The following STAU2 variants were observed in gnomAD, a reference collection of about 807,000 sequenced individuals.
The protein encoded by STAU2 is double-stranded RNA-binding protein Staufen homolog 2.
In STAU2, 20 loss-of-function variants were observed where a neutral mutation model predicts 65.9. That is an observed-to-expected ratio of 0.30 (90% confidence interval 0.21 to 0.44). The LOEUF (loss-of-function observed/expected upper bound fraction) is 0.44, where lower values mean the gene tolerates loss of function less well. Ranked by LOEUF, STAU2 falls within the 20% of genes least tolerant of loss-of-function variation. The pLI is 1.00. For synonymous variants in STAU2, 232 were observed against 233.9 expected, an observed-to-expected ratio of 0.99 and a Z score of 0.07; for missense variants, 558 against 683.9, an observed-to-expected ratio of 0.82 and a Z score of 2.05.
chr8:73,629,562 T>G (rs970870991), intron 6 of STAU2, among the ~76,000 whole-genome samples: 1 of 152,210 alleles, frequency 6.6e-6, no homozygotes, highest in African/African-American at 2.4e-5. Context: ...AAATATAATT[T>G]ATTAGCTGGA....
intron 12 of STAU2, among the ~76,000 whole-genome samples, chr8:73,557,294 T>C (rs1163811950): frequency 6.6e-6 from 1 of 152,180 alleles, no homozygotes; most frequent in Non-Finnish European, 1.5e-5. Context: ...AGAGTTCAAC[T>C]AACAGACTAG....
At chr8:73,569,030 G>C (rs1419365684) in intron 12 of STAU2, among the ~76,000 whole-genome samples, 3 of 152,100 alleles carry the variant, frequency 2.0e-5, no homozygotes, top group African/African-American at 4.8e-5. Flanking sequence ...CCTGGGAAGC[G>C]CAAGGGGTCG....
chr8:73,423,987 C>T lies in STAU2; in HGVS notation c.1531-1285G>A, dbSNP rs1442464730. On this transcript the variant is annotated intron_variant, in intron 13 of 14. Coordinates refer to ENST00000524300, the MANE Select transcript of STAU2 (RefSeq NM_001164380.2). ...CAACAAATGCCTAATGGCATTTATC[C>T]ACCATTAGAGTATCATATAAAATAG... 5.9e-5 allele frequency among the ~76,000 whole-genome samples: 9 copies of T among 152,158 alleles called. No homozygotes were observed. The East Asian group carries it at 1.7e-3, about 29-fold the overall frequency.
At chr8:73,563,283 A>T (rs1400532974) in intron 12 of STAU2, among the ~76,000 whole-genome samples, 1 of 152,114 alleles carries the variant, frequency 6.6e-6, no homozygotes, top group African/African-American at 2.4e-5. Flanking sequence ...ATGTAGGGAC[A>T]CTAAACTTCT....
At chr8:73,540,568 C>G (rs1159906080) in intron 13 of STAU2, among the ~76,000 whole-genome samples, 1 of 152,076 alleles carries the variant, frequency 6.6e-6, no homozygotes, top group Non-Finnish European at 1.5e-5. Context: ...TTTATTTGAA[C>G]AGATGTCAAG....
chr8:73,703,464 C>T (rs1344212330), intron 4 of STAU2, among the ~76,000 whole-genome samples: 1 of 152,100 alleles, frequency 6.6e-6, no homozygotes, highest in Non-Finnish European at 1.5e-5. Context: ...TATAGCAATA[C>T]AAGAATGGAC....
At chr8:73,709,875 T>C (rs1209297682) in intron 3 of STAU2, among the ~76,000 whole-genome samples, 3 of 152,132 alleles carry the variant, frequency 2.0e-5, no homozygotes, top group African/African-American at 4.8e-5. Context: ...TAGACTCACA[T>C]AAATGGTATT....
At chr8:73,728,632 T>G (rs1379608247) in intron 3 of STAU2, among the ~76,000 whole-genome samples, 1 of 152,212 alleles carries the variant, frequency 6.6e-6, no homozygotes, top group East Asian at 1.9e-4. Context: ...GTTTTATAGT[T>G]TACAGTGCAC....
chr8:73,581,959 T>G (rs886590662), intron 12 of STAU2, among the ~76,000 whole-genome samples: 1 of 152,132 alleles, frequency 6.6e-6, no homozygotes, highest in African/African-American at 2.4e-5. Flanking sequence ...GTAAAGAAGA[T>G]AGATAGGGTT....
At chr8:73,663,016 G>A (rs1816949957) in intron 6 of STAU2, among the ~76,000 whole-genome samples, 1 of 151,962 alleles carries the variant, frequency 6.6e-6, no homozygotes, top group Non-Finnish European at 1.5e-5. Flanking sequence ...AATTAATTTT[G>A]AAAGAATTAA....
upstream of STAU2, chr8:73,746,874 C>A (rs1807328891): frequency 1.4e-5 from 17 of 1,185,274 alleles, no homozygotes; most frequent in Admixed American, 4.6e-5. Context: ...TTCCACCCCT[C>A]GGGCTCCCCG....
At chr8:73,551,718 C>T (rs1585987650) in intron 13 of STAU2, 1 of 1,053,456 alleles carries the variant, frequency 9.5e-7, no homozygotes, top group Non-Finnish European at 1.1e-6. Context: ...GAGATAGATG[C>T]ACCTAATCAA....
chr8:73,629,398 C>A (rs908439004), intron 6 of STAU2, among the ~76,000 whole-genome samples: 1 of 152,102 alleles, frequency 6.6e-6, no homozygotes, highest in Non-Finnish European at 1.5e-5. Flanking sequence ...ATGTTTAATA[C>A]ATTATTTTAC....
At chr8:73,453,820 T>C (rs1818927211) in intron 13 of STAU2, among the ~76,000 whole-genome samples, 2 of 151,992 alleles carry the variant, frequency 1.3e-5, no homozygotes, top group South Asian at 2.1e-4. Context: ...TGATCAGGCA[T>C]GTATCTGTTT....
At chr8:73,505,150 G>A (rs193132552) in intron 13 of STAU2, among the ~76,000 whole-genome samples, 3 of 152,212 alleles carry the variant, frequency 2.0e-5, no homozygotes, top group Admixed American at 2.0e-4. Flanking sequence ...TCTCCAAAAG[G>A]ATCAAAGAAT....
intron 6 of STAU2, among the ~76,000 whole-genome samples, chr8:73,645,619 C>T (rs113113542): frequency 0.042 from 6,398 of 152,154 alleles, 194 homozygotes; most frequent in Middle Eastern, 0.13. Flanking sequence ...CGTATTAGTC[C>T]GTTCTCACAT....
chr8:73,740,094 G>C (rs966229560), intron 1 of STAU2, among the ~76,000 whole-genome samples: 1 of 152,124 alleles, frequency 6.6e-6, no homozygotes. Context: ...ACTGAACCCT[G>C]CAAGAGCCAC....
At chr8:73,736,996 C>T (rs955050274) in intron 3 of STAU2, among the ~76,000 whole-genome samples, 2 of 152,194 alleles carry the variant, frequency 1.3e-5, no homozygotes, top group Non-Finnish European at 2.9e-5. Flanking sequence ...TCCCAAGTAG[C>T]TGGGACTACA....
At chr8:73,422,810 T>G in intron 13 of STAU2, 108 bp from the exon 14 acceptor site, 2 of 661,338 alleles carry the variant, frequency 3.0e-6, no homozygotes, top group Non-Finnish European at 4.4e-6. Context: ...GTCTACATAA[T>G]TTTTTTTTGC....
Sources: allele counts gnomAD v4.1 joint callset (sites outside exome capture counted in the v4.1 genomes callset), GRCh38; gene constraint gnomAD v4.1.1; transcripts MANE v1.5; gene names NCBI Gene and HGNC (gene_info 2026-07-23, HGNC 2026-07-21).